The following TENM2 variants were observed in gnomAD, a reference collection of about 807,000 sequenced individuals.
TENM2 encodes teneurin transmembrane protein 2.
TENM2 carries 52 observed loss-of-function variants against 245.2 expected under a neutral mutation model. The observed-to-expected ratio is 0.21, with a 90% CI of 0.17 to 0.27. The LOEUF (loss-of-function observed/expected upper bound fraction) is 0.27, where lower values mean the gene tolerates loss of function less well. Among genes scored for constraint, TENM2 ranks in the 10% least tolerant of loss-of-function variants. The pLI is 1.00. For synonymous variants in TENM2, 1,363 were observed against 1,438.9 expected (o/e 0.95, Z 1.19); for missense variants, 3,046 against 3,666.8 (o/e 0.83, Z 4.37).
chr5:166,984,174 A>G, the TENM2 span, among the ~76,000 whole-genome samples: 1 of 152,152 alleles, frequency 6.6e-6, no homozygotes, highest in Non-Finnish European at 1.5e-5. Context: ...CTTGTAAAAT[A>G]AAGAACTCAT....
At chr5:167,369,189 C>T (rs970881949) in intron 1 of TENM2, among the ~76,000 whole-genome samples, 1 of 152,132 alleles carries the variant, frequency 6.6e-6, no homozygotes, top group East Asian at 1.9e-4. Flanking sequence ...TCCTGAGGCT[C>T]CAGGACCCTG....
intron 12 of TENM2, among the ~76,000 whole-genome samples, chr5:168,144,679 C>T (rs1434980330): frequency 2.0e-5 from 3 of 151,552 alleles, no homozygotes; most frequent in African/African-American, 7.3e-5. Flanking sequence ...GATTTATAGT[C>T]CTTTGGGTAT....
At chr5:167,986,060 A>G (rs559728538) in intron 4 of TENM2, among the ~76,000 whole-genome samples, 62 of 152,142 alleles carry the variant, frequency 4.1e-4, no homozygotes, top group African/African-American at 1.4e-3. Flanking sequence ...TTTGTTTGTT[A>G]GGTTTCTTTT....
At chr5:166,979,890 C>T in the TENM2 span, among the ~76,000 whole-genome samples, 1 of 152,014 alleles carries the variant, frequency 6.6e-6, no homozygotes, top group South Asian at 2.1e-4. Flanking sequence ...TTTTAGGATG[C>T]ATTTTAACGT....
At chr5:167,984,698 C>T (rs1405651674) in intron 4 of TENM2, among the ~76,000 whole-genome samples, 1 of 152,128 alleles carries the variant, frequency 6.6e-6, no homozygotes, top group Non-Finnish European at 1.5e-5. Flanking sequence ...GTAATGTGTG[C>T]ATGTTATATT....
intron 13 of TENM2, among the ~76,000 whole-genome samples, chr5:168,168,813 C>A (rs371325997): frequency 2.0e-5 from 3 of 152,014 alleles, no homozygotes; most frequent in African/African-American, 7.3e-5. Flanking sequence ...AGTTTAAAAA[C>A]CTTTAATTCT....
chr5:167,155,806 G>C, the TENM2 span, among the ~76,000 whole-genome samples: 1 of 152,220 alleles, frequency 6.6e-6, no homozygotes, highest in Non-Finnish European at 1.5e-5. Flanking sequence ...GAAGCAACGT[G>C]AAACTGACAA....
At chr5:168,145,649 A>G (rs1755993457) in intron 12 of TENM2, among the ~76,000 whole-genome samples, 1 of 152,072 alleles carries the variant, frequency 6.6e-6, no homozygotes, top group Admixed American at 6.5e-5. Flanking sequence ...CTTAGGATTG[A>G]CTTGGTGATG....
chr5:167,052,309 T>C, the TENM2 span, among the ~76,000 whole-genome samples: 314 of 152,220 alleles, frequency 2.1e-3, 1 homozygote, highest in Non-Finnish European at 3.4e-3. Context: ...TTACTATTAA[T>C]AATATTCAGC....
Position 167,581,726 on chromosome 5 carries a change from G to A in TENM2, c.502+206253G>A, listed in dbSNP as rs943679514. ...TAAGATACAGTATGAGTACATTCCC[G>A]ATAAAATATTGTGGTTTTTCCAGCT... On this transcript the variant is annotated intron_variant, in intron 2 of 28. Transcript: ENST00000518659. Among the ~76,000 whole-genome samples the A allele has an allele frequency of 2.6e-5, 4 of 152,210 alleles. No homozygotes were observed. In the South Asian group the frequency reaches 6.2e-4, roughly 24 times the overall value.
intron 12 of TENM2, among the ~76,000 whole-genome samples, chr5:168,128,260 C>A (rs910509600): frequency 1.3e-5 from 2 of 152,218 alleles, no homozygotes; most frequent in African/African-American, 4.8e-5. Context: ...ATCCTCAGTT[C>A]CCTGCAGAGT....
chr5:168,238,379 C>A (rs573792643), intron 25 of TENM2, among the ~76,000 whole-genome samples: 1 of 152,236 alleles, frequency 6.6e-6, no homozygotes, highest in South Asian at 2.1e-4. Context: ...AGGTAAATAA[C>A]TAAACTCTCC....
intron 1 of TENM2, among the ~76,000 whole-genome samples, chr5:167,370,612 G>A (rs1760358578): frequency 6.6e-6 from 1 of 152,210 alleles, no homozygotes. Context: ...CCTTGATAAT[G>A]TACCATGGGG....
At chr5:167,559,275 C>T (rs551643656) in intron 2 of TENM2, among the ~76,000 whole-genome samples, 2 of 152,164 alleles carry the variant, frequency 1.3e-5, no homozygotes, top group East Asian at 3.9e-4. Context: ...TTGTGTCCCC[C>T]TGCAATGTGG....
chr5:167,493,706 G>A (rs1032689994), intron 2 of TENM2, among the ~76,000 whole-genome samples: 2 of 152,082 alleles, frequency 1.3e-5, no homozygotes, highest in Non-Finnish European at 2.9e-5. Flanking sequence ...TCCGTATCTA[G>A]AATCCAAGGT....
chr5:168,172,106 TGGTGGGGA>T (rs1240270332), intron 13 of TENM2, among the ~76,000 whole-genome samples: 1 of 152,208 alleles, frequency 6.6e-6, no homozygotes, highest in Non-Finnish European at 1.5e-5. Flanking sequence ...CGAGTCATGG[TGGTGGGGA>T]GGTGGGGAGG....
intron 2 of TENM2, among the ~76,000 whole-genome samples, chr5:167,769,647 G>C (rs1239894126): frequency 6.6e-6 from 1 of 152,042 alleles, no homozygotes; most frequent in African/African-American, 2.4e-5. Context: ...AAGGTAAAAG[G>C]CTCCTTCAAC....
chr5:168,142,562 A>T (rs1432364252), intron 12 of TENM2, among the ~76,000 whole-genome samples: 2 of 152,246 alleles, frequency 1.3e-5, no homozygotes, highest in East Asian at 3.9e-4. Flanking sequence ...CTTTGAGGTG[A>T]TAGGGCAGAG....
chr5:167,406,090 G>T (rs887149363), intron 2 of TENM2, among the ~76,000 whole-genome samples: 6 of 152,094 alleles, frequency 3.9e-5, no homozygotes, highest in Non-Finnish European at 7.4e-5. Flanking sequence ...GTCAAAAATA[G>T]TGACTAACCA....
Sources: allele counts gnomAD v4.1 joint callset (sites outside exome capture counted in the v4.1 genomes callset), GRCh38; gene constraint gnomAD v4.1.1; transcripts MANE v1.5; gene names NCBI Gene and HGNC (gene_info 2026-07-23, HGNC 2026-07-21).